CSRNP3: variants seen among roughly 807,000 people sequenced by gnomAD.
CSRNP3 encodes the protein cysteine/serine-rich nuclear protein 3.
Under a neutral mutation model 48.0 loss-of-function variants are expected in CSRNP3, and 12 were observed. The ratio of observed to expected loss-of-function variants is 0.25; its 90% CI spans 0.16 to 0.41. The LOEUF is 0.41. Ranked by LOEUF, CSRNP3 falls within the 10% of genes least tolerant of loss-of-function variation. CSRNP3 has a pLI of 1.00. For synonymous variants in CSRNP3, 263 were observed against 269.7 expected (o/e 0.98, Z 0.24); for missense variants, 580 against 724.4 (o/e 0.80, Z 2.29).
intron 3 of CSRNP3, among the ~76,000 whole-genome samples, chr2:165,524,396 A>T (rs930247624): frequency 5.9e-5 from 9 of 152,216 alleles, no homozygotes; most frequent in Non-Finnish European, 1.2e-4. Context: ...AATAGCTTAT[A>T]GGTATTTATG....
intron 3 of CSRNP3, chr2:165,574,429 C>G: frequency 6.5e-7 from 1 of 1,544,932 alleles, no homozygotes; most frequent in Non-Finnish European, 8.7e-7. Flanking sequence ...ATAGTGCACG[C>G]AGGTATGGTG....
At chr2:165,528,141 T>C (rs1325775961) in intron 3 of CSRNP3, among the ~76,000 whole-genome samples, 1 of 152,236 alleles carries the variant, frequency 6.6e-6, no homozygotes, top group Non-Finnish European at 1.5e-5. Flanking sequence ...GATAGAAATG[T>C]TGAGTCCTTT....
chr2:165,614,376 A>G (rs994100964), intron 4 of CSRNP3, among the ~76,000 whole-genome samples: 4 of 152,190 alleles, frequency 2.6e-5, no homozygotes, highest in African/African-American at 9.7e-5. Flanking sequence ...TGTCATCTGC[A>G]AAGAAGGACA....
chr2:165,508,676 G>A (rs73027962), intron 2 of CSRNP3, among the ~76,000 whole-genome samples: 3,117 of 152,146 alleles, frequency 0.02, 106 homozygotes, highest in African/African-American at 0.071. Context: ...AGGGTTTTCT[G>A]TCAAAAAAAC....
chr2:165,667,474 ATT>A (rs1295616037), intron 5 of CSRNP3, among the ~76,000 whole-genome samples: 1 of 152,008 alleles, frequency 6.6e-6, no homozygotes, highest in African/African-American at 2.4e-5. Flanking sequence ...TCTCACTTTG[ATT>A]ATCTTGTAAT....
chr2:165,535,387 T>C (rs1417572501), intron 3 of CSRNP3, among the ~76,000 whole-genome samples: 1 of 151,540 alleles, frequency 6.6e-6, no homozygotes, highest in Non-Finnish European at 1.5e-5. Flanking sequence ...AAAAAGAACA[T>C]ATTCCTTCTG....
Position 165,679,389 on chromosome 2 carries a change from T to G in CSRNP3, c.1394T>G (p.Leu465Arg). 1.9e-6 allele frequency: 3 copies of G among 1,613,654 alleles called. No homozygotes were observed. The highest frequency in any genetic ancestry group is 2.5e-6 in the Non-Finnish European group (3 of 1,179,934). ...AGAGACACTGTCAAAAATGGTACCC[T>G]TTCGCTGGTGCCTTACACCATGACC... ...SERDTVKNGT[L>R]SLVPYTMTPE... is the part of the protein sequence containing the mutation. The change falls in exon 7 of 7, where the codon CTT becomes CGT. Residue 465 changes from leucine to arginine, a missense_variant. Leu to Arg is a moderately radical substitution (Grantham distance 102). Transcript: ENST00000651982.
At chr2:165,505,855 A>G (rs1684418374) in intron 2 of CSRNP3, among the ~76,000 whole-genome samples, 1 of 152,186 alleles carries the variant, frequency 6.6e-6, no homozygotes, top group African/African-American at 2.4e-5. Context: ...AATACATGAC[A>G]TTTGTCCTAG....
At chr2:165,672,368 G>A (rs1286020937) in intron 5 of CSRNP3, among the ~76,000 whole-genome samples, 1 of 152,228 alleles carries the variant, frequency 6.6e-6, no homozygotes, top group African/African-American at 2.4e-5. Context: ...TGGCTGGGGA[G>A]ACCTCACAAT....
At chr2:165,590,669 G>A (rs1685701867) in intron 3 of CSRNP3, among the ~76,000 whole-genome samples, 1 of 152,134 alleles carries the variant, frequency 6.6e-6, no homozygotes, top group African/African-American at 2.4e-5. Context: ...GAGTTCTCAT[G>A]AGATCTGATG....
intron 1 of CSRNP3, among the ~76,000 whole-genome samples, chr2:165,489,492 C>A (rs1334250785): frequency 3.5e-5 from 4 of 112,926 alleles, no homozygotes; most frequent in Admixed American, 2.8e-4. Context: ...GAGACACAAC[C>A]AAAAAAGAGA....
chr2:165,530,383 A>C (rs1287964062), intron 3 of CSRNP3, among the ~76,000 whole-genome samples: 2 of 152,164 alleles, frequency 1.3e-5, no homozygotes, highest in African/African-American at 2.4e-5. Flanking sequence ...AATTTTAATA[A>C]AATTGTAACT....
chr2:165,486,075 C>G (rs910501634), intron 1 of CSRNP3, among the ~76,000 whole-genome samples: 1 of 151,952 alleles, frequency 6.6e-6, no homozygotes, highest in Non-Finnish European at 1.5e-5. Flanking sequence ...TGGGCGCAGG[C>G]CAGTGGGTGC....
At chr2:165,537,506 T>C (rs1163924620) in intron 3 of CSRNP3, among the ~76,000 whole-genome samples, 1 of 151,088 alleles carries the variant, frequency 6.6e-6, no homozygotes, top group Non-Finnish European at 1.5e-5. Context: ...AAGGTTTTAT[T>C]ATCATCAATT....
chr2:165,489,967 A>G (rs1470912592), intron 1 of CSRNP3, among the ~76,000 whole-genome samples: 40 of 151,942 alleles, frequency 2.6e-4, no homozygotes, highest in East Asian at 9.7e-4. Context: ...GCAGGAGAAG[A>G]AAATAAAAGG....
chr2:165,614,815 C>G (rs1686203560), intron 4 of CSRNP3, among the ~76,000 whole-genome samples: 1 of 152,096 alleles, frequency 6.6e-6, no homozygotes. Context: ...CTTCACTGAC[C>G]TAATAAATGG....
intron 4 of CSRNP3, among the ~76,000 whole-genome samples, chr2:165,655,970 C>A (rs949806626): frequency 6.6e-6 from 1 of 152,142 alleles, no homozygotes. Context: ...CCGAGGTACT[C>A]GGGATTAGGA....
At chr2:165,572,822 T>C (rs1685392991) in intron 3 of CSRNP3, among the ~76,000 whole-genome samples, 3 of 152,318 alleles carry the variant, frequency 2.0e-5, no homozygotes, top group African/African-American at 7.2e-5. Context: ...ATTTTAAAAA[T>C]TTATGGGTAA....
intron 2 of CSRNP3, among the ~76,000 whole-genome samples, chr2:165,506,690 C>T (rs1434216965): frequency 6.6e-6 from 1 of 152,118 alleles, no homozygotes; most frequent in Non-Finnish European, 1.5e-5. Context: ...TCAGCTCCCT[C>T]AAAACCATTG....
Sources: gnomAD v4.1 joint callset for allele counts (sites outside exome capture counted in the v4.1 genomes callset) on GRCh38, gnomAD v4.1.1 for gene constraint, MANE v1.5 for transcripts, NCBI Gene and HGNC (gene_info 2026-07-23, HGNC 2026-07-21) for gene names.